TIMM17B: variants seen among roughly 807,000 people sequenced by gnomAD.
TIMM17B encodes the protein translocase of inner mitochondrial membrane 17B, also known as mitochondrial import inner membrane translocase subunit Tim17-B.
A neutral mutation model predicts 15.9 loss-of-function variants in TIMM17B; 10 were observed. That is an observed-to-expected ratio of 0.63 (90% CI 0.39 to 1.06). The LOEUF (loss-of-function observed/expected upper bound fraction) is 1.06. TIMM17B is among the 50% of genes least tolerant of loss of function. TIMM17B has a pLI of 0.01. For missense variants in TIMM17B, 114 were observed against 152.2 expected, an observed-to-expected ratio of 0.75 and a Z score of 1.32; for synonymous variants, 57 against 57.2, an observed-to-expected ratio of 1.00 and a Z score of 0.02.
intron 2 of TIMM17B, 66 bp downstream of exon 1, chrX:48,897,658 G>A: frequency 3.0e-6 from 3 of 1,000,871 alleles, no homozygotes; most frequent in Non-Finnish European, 4.2e-6. Flanking sequence ...TGCCTCCCCC[G>A]CCCGACCCCC....
intron 6 of TIMM17B, 21 bp from the exon 6 acceptor site, chrX:48,893,838 T>C (rs782331092): frequency 1.7e-6 from 2 of 1,180,183 alleles, no homozygotes; most frequent in Non-Finnish European, 2.3e-6. Context: ...GAGACTTGGG[T>C]AAGGATGAGT....
At chrX:48,895,260 A>T in intron 3 of TIMM17B, 159 bp from the exon 3 acceptor site, 4 of 495,603 alleles carry the variant, frequency 8.1e-6, no homozygotes, top group Non-Finnish European at 1.4e-5. Flanking sequence ...GAGCGCCCCA[A>T]CATGGGTGTT....
At chrX:48,893,953 A>G in exon 6 of TIMM17B, 1 of 1,210,384 alleles carries the variant, frequency 8.3e-7, no homozygotes, top group Non-Finnish European at 1.1e-6. Context: ...AACGCCCTCA[A>G]TGAGGGCCAA....
intron 3 of TIMM17B, chrX:48,895,923 T>A (rs1190848926): frequency 8.1e-6 from 1 of 123,735 alleles, no homozygotes; most frequent in Non-Finnish European, 1.6e-5. Context: ...GTGGATCACT[T>A]GAGTTCAGGA....
exon 7 of TIMM17B, chrX:48,893,578 G>T: frequency 4.5e-6 from 2 of 447,351 alleles, no homozygotes; most frequent in South Asian, 9.6e-5. Flanking sequence ...TGTCAGGGCA[G>T]CTGGGGTGCC....
chrX:48,895,606 G>A (rs1482776858), intron 3 of TIMM17B: 16 of 463,808 alleles, frequency 3.4e-5, no homozygotes, highest in Non-Finnish European at 6.1e-5. Flanking sequence ...TGACAAACTT[G>A]GGCAAAGATC....
At chrX:48,895,474 A>AC in intron 3 of TIMM17B, 1 of 515,955 alleles carries the variant, frequency 1.9e-6, no homozygotes, top group Admixed American at 2.6e-5. Flanking sequence ...GAGTAGATAA[A>AC]CAAGGGAGCT....
rs1557039167 is a variant in TIMM17B at position 48,894,241 on chromosome X, G to C, written c.191-16C>G. 9 of 1,204,689 alleles carry C rather than the reference G, an allele frequency of 7.5e-6. No individual in the cohort carries two copies. The highest frequency in any genetic ancestry group is 9.0e-6 in the Non-Finnish European group (8 of 890,843). ...GCGAAGCTACCTGTAGTGGAACCGAGGCCTAATTAGTTCCTGGGAAATCCT... is the reference window on the plus strand; with the variant it reads ...GCGAAGCTACCTGTAGTGGAACCGACGCCTAATTAGTTCCTGGGAAATCCT... On this transcript the variant is annotated splice_polypyrimidine_tract_variant and intron_variant, in intron 4 of 6. Coordinates refer to ENST00000376582, the Ensembl canonical transcript of TIMM17B.
At chrX:48,897,317 A>C in intron 2 of TIMM17B, 1 of 228,092 alleles carries the variant, frequency 4.4e-6, no homozygotes, top group South Asian at 7.9e-5. Flanking sequence ...CGCGGGAAGC[A>C]TCCACCGTCC....
chrX:48,893,561 A>G (rs982711418), exon 7 of TIMM17B: 8 of 395,751 alleles, frequency 2.0e-5, no homozygotes, highest in African/African-American at 1.6e-4. Context: ...GAAAAAGGGG[A>G]CCCATCTGTC....
chrX:48,895,289 AG>A, intron 3 of TIMM17B, 188 bp from the exon 3 acceptor site: 1 of 499,328 alleles, frequency 2.0e-6, no homozygotes. Context: ...TAGGTTGAGA[AG>A]TGCTAATTCA....
At chrX:48,894,469 A>G (rs1166447971) in intron 4 of TIMM17B, among the ~76,000 whole-genome samples, 2 of 111,738 alleles carry the variant, frequency 1.8e-5, no homozygotes, top group Non-Finnish European at 3.8e-5. Flanking sequence ...AATGTTTACA[A>G]GCAGATTTAT....
intron 2 of TIMM17B, 103 bp downstream of exon 1, chrX:48,897,621 G>A: frequency 1.5e-6 from 1 of 658,746 alleles, no homozygotes; most frequent in Non-Finnish European, 2.5e-6. Flanking sequence ...AGTCCCCCGA[G>A]TCTGGTACAT....
exon 7 of TIMM17B, chrX:48,893,711 A>T: frequency 1.8e-6 from 2 of 1,137,513 alleles, no homozygotes; most frequent in Non-Finnish European, 2.3e-6. Context: ...AGTAGCTCCC[A>T]TGGTGGCAGT....
intron 3 of TIMM17B, chrX:48,896,351 T>G (rs782362457): frequency 8.2e-6 from 1 of 121,217 alleles, no homozygotes; most frequent in South Asian, 2.6e-4. Flanking sequence ...TCCCAGCTAC[T>G]TGGGAGGCTG....
At chrX:48,894,907 A>G (rs1283190403) in intron 4 of TIMM17B, 131 bp downstream of exon 3, 1 of 549,028 alleles carries the variant, frequency 1.8e-6, no homozygotes, top group African/African-American at 2.3e-5. Flanking sequence ...TTGTTGGGAA[A>G]CATCACCCCC....
chrX:48,897,911 T>C (rs1316136789), intron 1 of TIMM17B, 143 bp from the exon 1 acceptor site: 35 of 912,282 alleles, frequency 3.8e-5, no homozygotes, highest in Non-Finnish European at 4.8e-5. Context: ...CATTTGTTCA[T>C]TGCCTCCTGA....
At position 48,897,719 on chromosome X, in the gene TIMM17B, C is replaced by G. The variant is rs782288842; in HGVS notation, c.26+5G>C. The G allele has an allele frequency of 3.3e-6, 4 of 1,204,673 alleles. No homozygotes were observed. The highest frequency in any genetic ancestry group is 2.2e-5 in the Admixed American group (1 of 46,047). ...TATTCCGGATGCCTGTGCCCATTGC[C>G]GTACCAGGGCTCCCGAGCGTACTCC... On this transcript the variant is annotated splice_donor_5th_base_variant and intron_variant, in intron 2 of 6. Coordinates refer to ENST00000376582, the Ensembl canonical transcript of TIMM17B.
chrX:48,898,007 G>A, intron 1 of TIMM17B: 1 of 973,867 alleles, frequency 1.0e-6, no homozygotes, highest in Non-Finnish European at 1.3e-6. Flanking sequence ...AGAGTCGTGT[G>A]GGCCCAGGTA....
Sources: gnomAD v4.1 joint callset for allele counts (sites outside exome capture counted in the v4.1 genomes callset) on GRCh38, gnomAD v4.1.1 for gene constraint, MANE v1.5 for transcripts, NCBI Gene and HGNC (gene_info 2026-07-23, HGNC 2026-07-21) for gene names.